The following TMCC1 variants were observed in gnomAD, a reference collection of about 807,000 sequenced individuals.
The protein encoded by TMCC1 is transmembrane and coiled-coil domains protein 1.
In TMCC1, 15 loss-of-function variants were observed where a neutral mutation model predicts 52.4. The observed-to-expected ratio is 0.29, with a 90% CI of 0.19 to 0.44. The LOEUF (loss-of-function observed/expected upper bound fraction) is 0.44, where lower values mean the gene tolerates loss of function less well. Ranked by LOEUF, TMCC1 falls within the 20% of genes least tolerant of loss-of-function variation. The pLI is 1.00. For missense variants in TMCC1, 503 were observed against 806.0 expected (o/e 0.62, Z 4.55); for synonymous variants, 279 against 301.9 (o/e 0.92, Z 0.79).
At chr3:129,678,526 A>C (rs928609764) in intron 4 of TMCC1, among the ~76,000 whole-genome samples, 1 of 149,934 alleles carries the variant, frequency 6.7e-6, no homozygotes, top group Non-Finnish European at 1.5e-5. Context: ...ATGCCCGGCT[A>C]ATTTTTTGTA....
In TMCC1 at chr3:129,828,978, G is replaced by A. The variant is rs1175188126; in HGVS notation, c.-130-470C>T. 1.3e-5 allele frequency among the ~76,000 whole-genome samples: 2 copies of A among 152,208 alleles called. No individual in the cohort carries two copies. The highest frequency in any genetic ancestry group is 2.4e-5 in the African/African-American group (1 of 41,438). On this transcript the variant is annotated intron_variant, in intron 3 of 6. Coordinates refer to ENST00000393238, the MANE Select transcript of TMCC1 (RefSeq NM_001017395.5). The surrounding 1 kb of genome is among the most constrained non-coding windows in gnomAD (Gnocchi z 4.1). Reference sequence around the variant, plus strand: ...CTCAGTATAATCAAAGAACAACAGTGAGAAATGGATATCCCAATCTAACTA... The same window carrying A: ...CTCAGTATAATCAAAGAACAACAGTAAGAAATGGATATCCCAATCTAACTA...
chr3:129,882,321 C>T (rs1254073992), intron 1 of TMCC1, among the ~76,000 whole-genome samples: 1 of 151,476 alleles, frequency 6.6e-6, no homozygotes, highest in Admixed American at 6.6e-5. Flanking sequence ...ACCACTCATA[C>T]CCATTAGGGA....
intron 1 of TMCC1, among the ~76,000 whole-genome samples, chr3:129,885,984 A>G (rs1001961083): frequency 5.5e-4 from 84 of 152,004 alleles, no homozygotes; most frequent in African/African-American, 2.0e-3. Flanking sequence ...CTCATGATCC[A>G]CCCACCTCAG....
At position 129,689,580 on chromosome 3, in the gene TMCC1, T is replaced by G. The variant is rs577519702; in HGVS notation, c.577-18316A>C. ...ATGAGCCTTTCTATGAGCCTGGAGG[T>G]GTGATAATTTCTTTACTTCTAGTTA... is the stretch of plus-strand genomic sequence containing the variant. On this transcript the variant is annotated intron_variant, in intron 4 of 6. Transcript: ENST00000393238. Among the ~76,000 whole-genome samples the G allele has an allele frequency of 2.0e-5, 3 of 152,182 alleles. No homozygotes were observed. The East Asian group carries it at 5.8e-4, about 29-fold the overall frequency.
intron 4 of TMCC1, among the ~76,000 whole-genome samples, chr3:129,719,041 C>A (rs2049347560): frequency 6.6e-6 from 1 of 152,122 alleles, no homozygotes; most frequent in African/African-American, 2.4e-5. Context: ...TTGGAATCTC[C>A]AAAGTGATGT....
chr3:129,863,859 T>C (rs183550340), intron 2 of TMCC1, among the ~76,000 whole-genome samples: 21 of 151,664 alleles, frequency 1.4e-4, no homozygotes, highest in Admixed American at 1.2e-3. Context: ...GAGACTCTTA[T>C]CTCAAGAAAA....
intron 4 of TMCC1, among the ~76,000 whole-genome samples, chr3:129,773,431 C>A (rs1473181078): frequency 1.3e-5 from 2 of 152,066 alleles, no homozygotes; most frequent in Non-Finnish European, 2.9e-5. Flanking sequence ...AGAAAATAAA[C>A]CAGAAGGACA....
intron 4 of TMCC1, among the ~76,000 whole-genome samples, chr3:129,671,889 T>C (rs1054691021): frequency 1.3e-5 from 2 of 152,206 alleles, no homozygotes; most frequent in African/African-American, 2.4e-5. Flanking sequence ...GGAAAGTAAC[T>C]GCTGAAAGTG....
intron 5 of TMCC1, among the ~76,000 whole-genome samples, chr3:129,667,137 T>C (rs1022300667): frequency 1.3e-5 from 2 of 149,590 alleles, no homozygotes; most frequent in Admixed American, 6.7e-5. Context: ...TCTTCTGACC[T>C]TGTGATCCAC....
intron 4 of TMCC1, among the ~76,000 whole-genome samples, chr3:129,705,703 C>T (rs918668005): frequency 1.3e-5 from 2 of 148,834 alleles, no homozygotes; most frequent in East Asian, 2.0e-4. Context: ...CCTGGGTTCA[C>T]GCCATTCTCC....
At chr3:129,702,437 T>C (rs1402165026) in intron 4 of TMCC1, among the ~76,000 whole-genome samples, 1 of 152,140 alleles carries the variant, frequency 6.6e-6, no homozygotes, top group Non-Finnish European at 1.5e-5. Context: ...AAGTAAATCA[T>C]TAAAATTTCC....
At chr3:129,668,605 T>C (rs2087661314) in intron 5 of TMCC1, among the ~76,000 whole-genome samples, 1 of 152,244 alleles carries the variant, frequency 6.6e-6, no homozygotes, top group Non-Finnish European at 1.5e-5. Context: ...AGATACTGTC[T>C]TCTCAGTATA....
intron 2 of TMCC1, among the ~76,000 whole-genome samples, chr3:129,873,749 G>A (rs559220960): frequency 2.2e-4 from 33 of 152,220 alleles, no homozygotes; most frequent in Non-Finnish European, 2.9e-4. Context: ...AGTAGCATAC[G>A]GTTAATCCCT....
At chr3:129,779,102 T>C (rs371547569) in intron 4 of TMCC1, among the ~76,000 whole-genome samples, 157 of 152,214 alleles carry the variant, frequency 1.0e-3, no homozygotes, top group African/African-American at 3.3e-3. Flanking sequence ...ACATTCTCTA[T>C]CATAATACAG....
chr3:129,657,927 T>A (rs894646861), intron 5 of TMCC1, among the ~76,000 whole-genome samples: 4 of 152,186 alleles, frequency 2.6e-5, no homozygotes, highest in African/African-American at 9.7e-5. Context: ...GAAAACTTAT[T>A]TCTTCTATAC....
chr3:129,710,776 T>C (rs1205824566), intron 4 of TMCC1, among the ~76,000 whole-genome samples: 2 of 152,230 alleles, frequency 1.3e-5, no homozygotes, highest in African/African-American at 4.8e-5. Flanking sequence ...GGAAACTCTC[T>C]CTGTAAAAGA....
intron 4 of TMCC1, among the ~76,000 whole-genome samples, chr3:129,808,399 T>C (rs956882841): frequency 1.3e-5 from 2 of 151,710 alleles, no homozygotes; most frequent in Admixed American, 6.6e-5. Context: ...AGAGAATAGC[T>C]TGAACCCAGG....
At chr3:129,785,287 A>G (rs964514554) in intron 4 of TMCC1, among the ~76,000 whole-genome samples, 1 of 152,206 alleles carries the variant, frequency 6.6e-6, no homozygotes, top group Non-Finnish European at 1.5e-5. Flanking sequence ...GTTCATCTTT[A>G]TACCTAACTC....
chr3:129,793,637 A>C (rs772302082), intron 4 of TMCC1, among the ~76,000 whole-genome samples: 6 of 152,208 alleles, frequency 3.9e-5, no homozygotes, highest in Non-Finnish European at 7.3e-5. Flanking sequence ...GGCTGGCTAC[A>C]GGCAGAGTGG....
Sources: allele counts gnomAD v4.1 joint callset (sites outside exome capture counted in the v4.1 genomes callset), GRCh38; gene constraint gnomAD v4.1.1; non-coding constraint Gnocchi (gnomAD v3.1); transcripts MANE v1.5; gene names NCBI Gene and HGNC (gene_info 2026-07-23, HGNC 2026-07-21).